The following CSMD1 variants were observed in gnomAD, a reference collection of about 807,000 sequenced individuals.
CSMD1 encodes the protein CUB and Sushi multiple domains 1.
A neutral mutation model predicts 417.5 loss-of-function variants in CSMD1; 213 were observed. The observed-to-expected ratio is 0.51, with a 90% confidence interval of 0.46 to 0.57. The LOEUF is 0.57. Ranked by LOEUF, CSMD1 falls within the 20% of genes least tolerant of loss-of-function variation. The pLI is 0.00. For missense variants in CSMD1, 6,923 were observed against 4,529.7 expected (o/e 1.53, Z -15.17); for synonymous variants, 2,862 against 1,736.8 (o/e 1.65, Z -16.11).
At chr8:3,684,328 GTTATATA>G (rs1490115096) in intron 7 of CSMD1, among the ~76,000 whole-genome samples, 4 of 142,732 alleles carry the variant, frequency 2.8e-5, no homozygotes, top group African/African-American at 1.0e-4. Context: ...ATAGCTATAT[GTTATATA>G]TTATATAAAA....
chr8:4,186,356 C>T (rs560488164), intron 3 of CSMD1, among the ~76,000 whole-genome samples: 9 of 152,104 alleles, frequency 5.9e-5, no homozygotes, highest in Non-Finnish European at 1.3e-4. Context: ...TGGGCTGATT[C>T]CTATCTTCGT....
intron 5 of CSMD1, among the ~76,000 whole-genome samples, chr8:3,838,716 T>C (rs1346904804): frequency 1.1e-5 from 1 of 88,454 alleles, no homozygotes; most frequent in Non-Finnish European, 1.9e-5. Flanking sequence ...TAGTATAATA[T>C]ATAATAAATT....
intron 4 of CSMD1, among the ~76,000 whole-genome samples, chr8:4,001,763 C>T (rs556290520): frequency 6.6e-6 from 1 of 152,008 alleles, no homozygotes; most frequent in African/African-American, 2.4e-5. Flanking sequence ...CAGGTAAGAC[C>T]AGAGCACTGA....
chr8:3,405,565 A>G lies in CSMD1; in HGVS notation c.2266+462T>C, dbSNP rs1006173207. On this transcript the variant is annotated intron_variant, in intron 15 of 69. Transcript: ENST00000635120. Reference sequence around the variant, plus strand: ...CCTCAGATGGTGACTGTATTTGAAGATTGGGTACTTGCAGATGAATTTAGT... The same window carrying G: ...CCTCAGATGGTGACTGTATTTGAAGGTTGGGTACTTGCAGATGAATTTAGT... Among the ~76,000 whole-genome samples the G allele has an allele frequency of 1.3e-5, 2 of 152,144 alleles. 1 individual carries two copies. The highest frequency in any genetic ancestry group is 4.1e-4 in the South Asian group (2 of 4,826).
At chr8:4,157,752 G>C (rs370835878) in intron 3 of CSMD1, among the ~76,000 whole-genome samples, 22 of 152,198 alleles carry the variant, frequency 1.4e-4, no homozygotes, top group African/African-American at 5.1e-4. Flanking sequence ...GTCAGGGCCA[G>C]GGCTGACCTG....
chr8:4,145,918 T>C (rs1188460851), intron 3 of CSMD1, among the ~76,000 whole-genome samples: 1 of 151,038 alleles, frequency 6.6e-6, no homozygotes, highest in Non-Finnish European at 1.5e-5. Context: ...GGCACATGAT[T>C]GGCCCCATTG....
intron 3 of CSMD1, among the ~76,000 whole-genome samples, chr8:4,146,208 C>A (rs1429991424): frequency 6.6e-6 from 1 of 150,934 alleles, no homozygotes; most frequent in Non-Finnish European, 1.5e-5. Flanking sequence ...AGGGTGATAT[C>A]GTTTGGAAAC....
chr8:4,958,138 C>A (rs201498516), intron 1 of CSMD1, among the ~76,000 whole-genome samples: 1 of 152,068 alleles, frequency 6.6e-6, no homozygotes, highest in African/African-American at 2.4e-5. Context: ...GTCCTTAGAA[C>A]ATATGTTTCC....
chr8:4,391,640 G>C (rs1216620340), intron 3 of CSMD1, among the ~76,000 whole-genome samples: 1 of 151,964 alleles, frequency 6.6e-6, no homozygotes, highest in African/African-American at 2.4e-5. Context: ...ATACACTGCT[G>C]GGTTGACTGG....
chr8:4,223,423 G>A (rs1801160684), intron 3 of CSMD1, among the ~76,000 whole-genome samples: 1 of 152,244 alleles, frequency 6.6e-6, no homozygotes, highest in South Asian at 2.1e-4. Flanking sequence ...GTCATCGCCA[G>A]GGATACGTGA....
chr8:4,287,767 C>T (rs975299519), intron 3 of CSMD1, among the ~76,000 whole-genome samples: 4 of 151,644 alleles, frequency 2.6e-5, no homozygotes, highest in Admixed American at 6.6e-5. Context: ...TGGACCCGGT[C>T]GGTTGAGCGA....
At chr8:3,410,780 C>G (rs1215142489) in intron 12 of CSMD1, among the ~76,000 whole-genome samples, 3 of 152,056 alleles carry the variant, frequency 2.0e-5, no homozygotes, top group Non-Finnish European at 1.5e-5. Context: ...ACTCTGTTGT[C>G]CAGGCCGGAG....
chr8:3,328,827 G>A (rs1806705287), intron 23 of CSMD1, among the ~76,000 whole-genome samples: 1 of 152,182 alleles, frequency 6.6e-6, no homozygotes, highest in Non-Finnish European at 1.5e-5. Context: ...AGTTATATAT[G>A]ATATCTTTTA....
At chr8:4,212,162 T>C (rs1385781731) in intron 3 of CSMD1, among the ~76,000 whole-genome samples, 1 of 148,332 alleles carries the variant, frequency 6.7e-6, no homozygotes, top group East Asian at 1.9e-4. Context: ...AAAGACTCTG[T>C]CACTTCCCTA....
intron 10 of CSMD1, among the ~76,000 whole-genome samples, chr8:3,567,036 C>T (rs1007668963): frequency 6.6e-6 from 1 of 152,134 alleles, no homozygotes; most frequent in Admixed American, 6.5e-5. Flanking sequence ...AAATGCCCAT[C>T]GATGGTAGAC....
intron 3 of CSMD1, among the ~76,000 whole-genome samples, chr8:4,302,849 C>G (rs1314141660): frequency 1.3e-5 from 2 of 152,210 alleles, no homozygotes; most frequent in South Asian, 2.1e-4. Flanking sequence ...TTTTCCAGGA[C>G]TAGCAGGCAG....
chr8:4,315,414 C>G (rs1041032688), intron 3 of CSMD1, among the ~76,000 whole-genome samples: 18 of 152,036 alleles, frequency 1.2e-4, no homozygotes, highest in Non-Finnish European at 7.4e-5. Flanking sequence ...ATGAGTGGCC[C>G]ATGTTCAGCA....
At chr8:4,700,567 G>A (rs1427571355) in intron 1 of CSMD1, among the ~76,000 whole-genome samples, 1 of 152,062 alleles carries the variant, frequency 6.6e-6, no homozygotes, top group South Asian at 2.1e-4. Context: ...ACTTAAGTGT[G>A]ATTTGCTTAA....
At chr8:4,086,549 T>A (rs1323970520) in intron 3 of CSMD1, among the ~76,000 whole-genome samples, 1 of 152,196 alleles carries the variant, frequency 6.6e-6, no homozygotes, top group Admixed American at 6.5e-5. Context: ...GCTCTTAAAA[T>A]AGGGCCCACA....
Sources: gnomAD v4.1 joint callset for allele counts (sites outside exome capture counted in the v4.1 genomes callset) on GRCh38, gnomAD v4.1.1 for gene constraint, MANE v1.5 for transcripts, NCBI Gene and HGNC (gene_info 2026-07-23, HGNC 2026-07-21) for gene names.